HMGCS1: variants seen among roughly 807,000 people sequenced by gnomAD.
HMGCS1 encodes 3-hydroxy-3-methylglutaryl-CoA synthase 1, also known as hydroxymethylglutaryl-CoA synthase, cytoplasmic.
HMGCS1 carries 9 observed loss-of-function variants against 52.3 expected under a neutral mutation model. That is an observed-to-expected ratio of 0.17 (90% CI 0.10 to 0.30). The LOEUF is 0.30. HMGCS1 is among the 10% of genes least tolerant of loss of function. HMGCS1 has a pLI of 1.00. For missense variants in HMGCS1, 320 were observed against 620.9 expected, an observed-to-expected ratio of 0.52 and a Z score of 5.15; for synonymous variants, 176 against 214.4, an observed-to-expected ratio of 0.82 and a Z score of 1.57.
intron 1 of HMGCS1, among the ~76,000 whole-genome samples, chr5:43,312,330 C>T (rs1257889891): frequency 6.6e-6 from 1 of 152,170 alleles, no homozygotes; most frequent in Non-Finnish European, 1.5e-5. Context: ...AGAGCATCCT[C>T]GGGAAGGTGG....
At chr5:43,310,699 G>A (rs1754817501) in intron 1 of HMGCS1, among the ~76,000 whole-genome samples, 1 of 152,104 alleles carries the variant, frequency 6.6e-6, no homozygotes, top group South Asian at 2.1e-4. Flanking sequence ...TGTGTCCAGA[G>A]TAGCCTGCTA....
At chr5:43,291,987 C>CTTTTTTTTTTTTTTTTTTTTTT (rs537398917) in intron 10 of HMGCS1, among the ~76,000 whole-genome samples, 1 of 83,114 alleles carries the variant, frequency 1.2e-5, no homozygotes, top group Non-Finnish European at 2.1e-5. Context: ...ACTGTATATT[C>CTTTTTTTTTTTTTTTTTTTTTT]TTTTTTTTTT....
chr5:43,302,267 T>C (rs1292069152), intron 2 of HMGCS1, among the ~76,000 whole-genome samples: 1 of 152,202 alleles, frequency 6.6e-6, no homozygotes, highest in African/African-American at 2.4e-5. Context: ...TACTACCCAA[T>C]CTTTCCCCAT....
chr5:43,300,814 A>G (rs867019857), intron 2 of HMGCS1, among the ~76,000 whole-genome samples: 1 of 151,826 alleles, frequency 6.6e-6, no homozygotes, highest in Admixed American at 6.6e-5. Context: ...AAAAAAAAAA[A>G]AAAAAAGAAA....
rs907108352 is a variant in HMGCS1, at chr5:43,290,221, C to T, written c.*910G>A. The T allele has an allele frequency of 6.6e-6, 1 of 152,550 alleles. No homozygotes were observed. The highest frequency in any genetic ancestry group is 6.6e-5 in the Admixed American group (1 of 15,244). 9.4% of individuals were successfully genotyped at this position (152,550 alleles called of 1,614,324 possible). ...TAATAATGCCCTGCCCCTATTCTTC[C>T]CTTCCATTTTAAATTTTTAAAAAAG... On this transcript the variant is annotated 3_prime_UTR_variant, in exon 11 of 11. Transcript: ENST00000325110.
chr5:43,311,245 G>GCCTCA (rs1754848449), intron 1 of HMGCS1, among the ~76,000 whole-genome samples: 1 of 151,142 alleles, frequency 6.6e-6, no homozygotes, highest in African/African-American at 2.4e-5. Flanking sequence ...GAGAATCACT[G>GCCTCA]GGAGGCATAA....
chr5:43,306,847 A>AC (rs1754602970), intron 2 of HMGCS1, among the ~76,000 whole-genome samples: 1 of 152,156 alleles, frequency 6.6e-6, no homozygotes, highest in Non-Finnish European at 1.5e-5. Context: ...CCGGTACCCA[A>AC]CCCACTGTTT....
In HMGCS1 at chr5:43,312,197, A is replaced by C. The variant is rs899845585; in HGVS notation, c.-70+1159T>G. Among the ~76,000 whole-genome samples the C allele has an allele frequency of 3.9e-5, 6 of 152,218 alleles. No homozygotes were observed. In the South Asian group the frequency reaches 6.2e-4, roughly 16 times the overall value. On this transcript the variant is annotated intron_variant, in intron 1 of 10. Coordinates refer to ENST00000325110, the MANE Select transcript of HMGCS1 (RefSeq NM_001098272.3). ...GAAGGAAAAATCTGTTAACTCTAGG[A>C]GCACTTCCATTTGTCTTAATTTTGT... is the stretch of plus-strand genomic sequence containing the variant.
rs1754655064 is a variant in HMGCS1 at position 43,307,821 on chromosome 5, G to A, written c.-66C>T. 6.6e-6 allele frequency: 1 copy of A among 152,100 alleles called. No homozygotes were observed. The highest frequency in any genetic ancestry group is 2.1e-4 in the South Asian group (1 of 4,822). 9.4% of individuals were successfully genotyped at this position (152,100 alleles called of 1,614,324 possible). A position where few individuals can be genotyped will look rare whatever the true frequency, so the allele number is the denominator to read the frequency against. On this transcript the variant is annotated 5_prime_UTR_variant, in exon 2 of 11. Coordinates refer to ENST00000325110, the MANE Select transcript of HMGCS1 (RefSeq NM_001098272.3). ...AGGTCTGTCACTGTTTCCTCCTTCG[G>A]GCACTAGGAATTTCAAACAAGAACT...
At chr5:43,308,017 A>G (rs1380222841) in intron 1 of HMGCS1, among the ~76,000 whole-genome samples, 193 bp from the exon 2 acceptor site, 2 of 152,244 alleles carry the variant, frequency 1.3e-5, no homozygotes, top group Non-Finnish European at 2.9e-5. Flanking sequence ...TTATTTTCAT[A>G]GCCCTTATAG....
At chr5:43,295,611 T>C (rs1478607380) in intron 6 of HMGCS1, 141 bp downstream of exon 6, 2 of 598,390 alleles carry the variant, frequency 3.3e-6, no homozygotes, top group Non-Finnish European at 5.9e-6. Context: ...GATTCTTCAC[T>C]GACTGAGACA....
At chr5:43,293,952 T>A in intron 8 of HMGCS1, 104 bp downstream of exon 8, 1 of 715,196 alleles carries the variant, frequency 1.4e-6, no homozygotes, top group Non-Finnish European at 2.5e-6. Context: ...TGACCTCAGG[T>A]GATCTGCCCG....
intron 2 of HMGCS1, among the ~76,000 whole-genome samples, chr5:43,304,572 C>A (rs1488903473): frequency 6.6e-6 from 1 of 152,196 alleles, no homozygotes; most frequent in African/African-American, 2.4e-5. Context: ...CACAGTCTGA[C>A]CAGCTCTGAT....
At chr5:43,309,752 C>T (rs1754767001) in intron 1 of HMGCS1, among the ~76,000 whole-genome samples, 2 of 152,194 alleles carry the variant, frequency 1.3e-5, no homozygotes, top group Admixed American at 1.3e-4. Context: ...AGGGAATCAA[C>T]ATGGGTCAAG....
intron 2 of HMGCS1, among the ~76,000 whole-genome samples, chr5:43,301,575 A>G (rs1278070786): frequency 6.6e-6 from 1 of 152,370 alleles, no homozygotes; most frequent in East Asian, 1.9e-4. Flanking sequence ...TCATACATAT[A>G]TAAAGTATAC....
At chr5:43,294,614 T>C (rs1753941815) in intron 7 of HMGCS1, 77 bp downstream of exon 7, 3 of 1,093,128 alleles carry the variant, frequency 2.7e-6, no homozygotes. Flanking sequence ...CCAACATGCT[T>C]GACACTAGAT....
At position 43,297,991 on chromosome 5, in the gene HMGCS1, G is replaced by A; in HGVS notation, c.574+18C>T. On this transcript the variant is annotated intron_variant, in intron 4 of 10. Coordinates refer to ENST00000325110, the MANE Select transcript of HMGCS1 (RefSeq NM_001098272.3). Reference sequence around the variant, plus strand: ...ATATTGTGCTAAAAAAAACAAAAATGCTTTCCCAAGCACTTACCTCGTTCA... The same window carrying A: ...ATATTGTGCTAAAAAAAACAAAAATACTTTCCCAAGCACTTACCTCGTTCA... 2 of 1,604,866 alleles carry A rather than the reference G, an allele frequency of 1.2e-6. No homozygotes were observed. Among genetic ancestry groups the A allele is most frequent in the Non-Finnish European group, 8.5e-7 (1 of 1,177,556 alleles).
chr5:43,295,728 A>G, intron 6 of HMGCS1, 24 bp downstream of exon 6: 1 of 1,576,722 alleles, frequency 6.3e-7, no homozygotes, highest in Non-Finnish European at 8.7e-7. Context: ...ATAGAAGGAA[A>G]AAACTCATAA....
intron 1 of HMGCS1, among the ~76,000 whole-genome samples, chr5:43,309,174 T>C (rs1754729208): frequency 6.6e-6 from 1 of 152,120 alleles, no homozygotes; most frequent in Admixed American, 6.5e-5. Context: ...ACTACTTGTA[T>C]CAAGGAAATT....
Sources: allele counts gnomAD v4.1 joint callset (sites outside exome capture counted in the v4.1 genomes callset), GRCh38; gene constraint gnomAD v4.1.1; transcripts MANE v1.5; gene names NCBI Gene and HGNC (gene_info 2026-07-23, HGNC 2026-07-21).